Variants in CNTN4 observed in about 807,000 individuals in gnomAD.
The protein encoded by CNTN4 is contactin 4, also known as contactin-4.
In CNTN4, 77 loss-of-function variants were observed where a neutral mutation model predicts 122.5. That is an observed-to-expected ratio of 0.63 (90% CI 0.52 to 0.76). The LOEUF is 0.76. Ranked by LOEUF, CNTN4 falls within the 30% of genes least tolerant of loss-of-function variation. CNTN4 has a pLI of 0.00. For synonymous variants in CNTN4, 512 were observed against 447.0 expected (o/e 1.15, Z -1.83); for missense variants, 1,256 against 1,259.1 (o/e 1.00, Z 0.04).
chr3:2,394,232 C>A (rs13068536), intron 3 of CNTN4, among the ~76,000 whole-genome samples: 23,079 of 151,586 alleles, frequency 0.15, 2,185 homozygotes, highest in Middle Eastern at 0.24. Flanking sequence ...AAAGGAAGCC[C>A]CTAGAGGCTG....
At chr3:2,743,508 T>C (rs1203520850) in intron 5 of CNTN4, among the ~76,000 whole-genome samples, 1 of 152,186 alleles carries the variant, frequency 6.6e-6, no homozygotes, top group Non-Finnish European at 1.5e-5. Context: ...CTTACCTCTC[T>C]TGTTTCTAAA....
At chr3:2,746,177 A>C (rs1297307424) in intron 6 of CNTN4, among the ~76,000 whole-genome samples, 1 of 152,204 alleles carries the variant, frequency 6.6e-6, no homozygotes, top group African/African-American at 2.4e-5. Flanking sequence ...CAATAAGAGA[A>C]ATACTTTAAC....
At chr3:3,005,890 T>TTTG (rs1696568401) in intron 14 of CNTN4, among the ~76,000 whole-genome samples, 1 of 150,536 alleles carries the variant, frequency 6.6e-6, no homozygotes, top group Admixed American at 6.6e-5. Context: ...GTGTAGAATT[T>TTTG]TTTTTTTTTT....
chr3:2,185,586 G>C (rs1048462537), intron 2 of CNTN4, among the ~76,000 whole-genome samples: 10 of 152,120 alleles, frequency 6.6e-5, no homozygotes, highest in African/African-American at 2.4e-4. Flanking sequence ...TGAGCCATTA[G>C]CAAATTTTCT....
At chr3:2,621,232 G>C (rs2081977602) in intron 4 of CNTN4, among the ~76,000 whole-genome samples, 1 of 152,122 alleles carries the variant, frequency 6.6e-6, no homozygotes, top group South Asian at 2.1e-4. Context: ...TGCAGCAAGG[G>C]AACTAGACTG....
chr3:2,522,813 TGAG>T (rs2077268598), intron 3 of CNTN4, among the ~76,000 whole-genome samples: 1 of 152,034 alleles, frequency 6.6e-6, no homozygotes, highest in South Asian at 2.1e-4. Flanking sequence ...TCAGCCCACA[TGAG>T]ATTTCCCAAC....
At chr3:2,245,321 C>G (rs1405915048) in intron 2 of CNTN4, among the ~76,000 whole-genome samples, 1 of 152,006 alleles carries the variant, frequency 6.6e-6, no homozygotes, top group Non-Finnish European at 1.5e-5. Context: ...GGTGCAATAT[C>G]CAGCACAGTT....
chr3:2,631,219 C>T (rs2082415448), intron 4 of CNTN4, among the ~76,000 whole-genome samples: 1 of 152,120 alleles, frequency 6.6e-6, no homozygotes, highest in South Asian at 2.1e-4. Flanking sequence ...AGTAGTTACT[C>T]TTAAGGTTAA....
At chr3:2,228,046 C>A (rs182333204) in intron 2 of CNTN4, among the ~76,000 whole-genome samples, 1 of 145,962 alleles carries the variant, frequency 6.9e-6, no homozygotes, top group Non-Finnish European at 1.5e-5. Flanking sequence ...CCAAAGATTA[C>A]TAACAGAATT....
intron 2 of CNTN4, among the ~76,000 whole-genome samples, chr3:2,224,916 C>T (rs940463471): frequency 1.2e-4 from 18 of 151,926 alleles, no homozygotes; most frequent in East Asian, 5.9e-4. Flanking sequence ...TTTGGGAGGC[C>T]GAGGCGGGTG....
chr3:2,785,420 G>T (rs2091772955), intron 6 of CNTN4, among the ~76,000 whole-genome samples: 1 of 152,134 alleles, frequency 6.6e-6, no homozygotes, highest in Admixed American at 6.5e-5. Flanking sequence ...GCCTTCAGTG[G>T]ATTGAATGAT....
chr3:2,489,173 A>C (rs1440176928), intron 3 of CNTN4, among the ~76,000 whole-genome samples: 1 of 152,226 alleles, frequency 6.6e-6, no homozygotes, highest in African/African-American at 2.4e-5. Context: ...AACTTATGCC[A>C]GTCCTGAGAG....
At chr3:3,047,125 A>C (rs1319488554) in intron 23 of CNTN4, among the ~76,000 whole-genome samples, 1 of 151,582 alleles carries the variant, frequency 6.6e-6, no homozygotes, top group East Asian at 1.9e-4. Flanking sequence ...AGATTCATAA[A>C]GCAAGTCCTG....
intron 9 of CNTN4, among the ~76,000 whole-genome samples, chr3:2,884,751 G>C (rs2093950996): frequency 6.6e-6 from 1 of 152,146 alleles, no homozygotes; most frequent in Non-Finnish European, 1.5e-5. Flanking sequence ...GTGAAAAAGA[G>C]CAGAATTCAC....
At chr3:2,435,770 A>T (rs895842792) in intron 3 of CNTN4, among the ~76,000 whole-genome samples, 4 of 152,176 alleles carry the variant, frequency 2.6e-5, no homozygotes, top group African/African-American at 4.8e-5. Flanking sequence ...TAAAAATAAA[A>T]CCTAGACATA....
intron 2 of CNTN4, among the ~76,000 whole-genome samples, chr3:2,273,326 C>G (rs530150692): frequency 6.6e-6 from 1 of 152,282 alleles, no homozygotes; most frequent in South Asian, 2.1e-4. Context: ...TCCCTTCAGT[C>G]CTATTCTGTG....
intron 8 of CNTN4, among the ~76,000 whole-genome samples, chr3:2,872,923 C>T (rs1198627226): frequency 2.0e-5 from 3 of 152,124 alleles, no homozygotes; most frequent in Admixed American, 6.6e-5. Flanking sequence ...TTTCCCAAGT[C>T]CTCACTCATT....
chr3:2,658,652 C>T (rs890964151), intron 4 of CNTN4, among the ~76,000 whole-genome samples: 1 of 152,088 alleles, frequency 6.6e-6, no homozygotes, highest in African/African-American at 2.4e-5. Context: ...ATCCTTTATT[C>T]CTTTTGGACA....
chr3:2,862,970 A>G (rs1460590302), intron 7 of CNTN4, among the ~76,000 whole-genome samples: 1 of 152,260 alleles, frequency 6.6e-6, no homozygotes, highest in Non-Finnish European at 1.5e-5. Context: ...GAGTTAAGCT[A>G]GAACGAGTAG....
Sources: gnomAD v4.1 joint callset for allele counts (sites outside exome capture counted in the v4.1 genomes callset) on GRCh38, gnomAD v4.1.1 for gene constraint, MANE v1.5 for transcripts, NCBI Gene and HGNC (gene_info 2026-07-23, HGNC 2026-07-21) for gene names.